LAMA2: variants seen among roughly 807,000 people sequenced by gnomAD.
The protein encoded by LAMA2 is laminin subunit alpha-2.
A neutral mutation model predicts 364.8 loss-of-function variants in LAMA2; 269 were observed. The ratio of observed to expected loss-of-function variants is 0.74; its 90% CI spans 0.67 to 0.82. The LOEUF (loss-of-function observed/expected upper bound fraction) is 0.82, where lower values mean the gene tolerates loss of function less well. Among genes scored for constraint, LAMA2 ranks in the 40% least tolerant of loss-of-function variants. The probability of loss-of-function intolerance (pLI) is 0.00; values close to 1 mark genes in which losing one functional copy is unlikely to be tolerated. For missense variants in LAMA2, 3,807 were observed against 3,873.2 expected (o/e 0.98, Z 0.45); for synonymous variants, 1,379 against 1,370.6 (o/e 1.01, Z -0.14).
chr6:129,368,186 T>G (rs1266369106), intron 33 of LAMA2, among the ~76,000 whole-genome samples: 1 of 152,194 alleles, frequency 6.6e-6, no homozygotes, highest in Non-Finnish European at 1.5e-5. Context: ...AGGCTCCACC[T>G]CCTAATATCA....
At chr6:128,888,444 T>G (rs1296985634) in intron 1 of LAMA2, among the ~76,000 whole-genome samples, 1 of 152,204 alleles carries the variant, frequency 6.6e-6, no homozygotes, top group Non-Finnish European at 1.5e-5. Flanking sequence ...ACACCTATAT[T>G]GTATAAAATG....
At chr6:129,101,336 T>A (rs1225744998) in intron 4 of LAMA2, among the ~76,000 whole-genome samples, 1 of 152,212 alleles carries the variant, frequency 6.6e-6, no homozygotes, top group Non-Finnish European at 1.5e-5. Context: ...ACTCGGTACA[T>A]ACAGAATTTA....
intron 12 of LAMA2, among the ~76,000 whole-genome samples, chr6:129,198,235 T>C (rs994137784): frequency 2.3e-5 from 3 of 131,844 alleles, no homozygotes; most frequent in African/African-American, 6.4e-5. Context: ...AATATTATTA[T>C]TAAATATTAT....
chr6:129,232,386 A>G (rs1283196432), intron 12 of LAMA2, among the ~76,000 whole-genome samples: 1 of 152,086 alleles, frequency 6.6e-6, no homozygotes, highest in Non-Finnish European at 1.5e-5. Flanking sequence ...TCAGAATTTT[A>G]AATGTAAGCC....
At chr6:129,462,650 C>T (rs1180300053) in intron 49 of LAMA2, among the ~76,000 whole-genome samples, 1 of 151,916 alleles carries the variant, frequency 6.6e-6, no homozygotes, top group African/African-American at 2.4e-5. Context: ...TCTCTAATTA[C>T]ACACTTGTGT....
chr6:129,230,504 G>A (rs1190579366), intron 12 of LAMA2, among the ~76,000 whole-genome samples: 1 of 152,108 alleles, frequency 6.6e-6, no homozygotes, highest in Non-Finnish European at 1.5e-5. Flanking sequence ...ACATGTGGAA[G>A]TCTCTTCTAT....
Position 129,016,254 on chromosome 6 carries a change from A to G in LAMA2, c.113-33664A>G, listed in dbSNP as rs77501889. Reference sequence around the variant, plus strand: ...GCTTTAAAAACAAGTATGTGGTAAAAATCACTTTGGAAAACCTTTGGCATT... The same window carrying G: ...GCTTTAAAAACAAGTATGTGGTAAAGATCACTTTGGAAAACCTTTGGCATT... On this transcript the variant is annotated intron_variant, in intron 1 of 64. Coordinates refer to ENST00000421865, the MANE Select transcript of LAMA2 (RefSeq NM_000426.4). Among the ~76,000 whole-genome samples, 1,420 of 152,164 alleles carry G rather than the reference A, an allele frequency of 9.3e-3. 24 individuals carry two copies. The highest frequency in any genetic ancestry group is 0.032 in the African/African-American group (1,348 of 41,548).
intron 12 of LAMA2, among the ~76,000 whole-genome samples, chr6:129,244,518 T>C (rs1258614610): frequency 6.6e-6 from 1 of 152,118 alleles, no homozygotes; most frequent in Non-Finnish European, 1.5e-5. Flanking sequence ...GATTTTTGTG[T>C]ATCCCTCCTG....
chr6:129,047,048 G>C (rs770719220), intron 1 of LAMA2, among the ~76,000 whole-genome samples: 1 of 152,060 alleles, frequency 6.6e-6, no homozygotes, highest in Non-Finnish European at 1.5e-5. Flanking sequence ...TTATTTAATC[G>C]CATATCATTT....
At chr6:129,474,839 A>G (rs560655616) in intron 52 of LAMA2, among the ~76,000 whole-genome samples, 5 of 152,202 alleles carry the variant, frequency 3.3e-5, no homozygotes, top group Admixed American at 3.3e-4. Context: ...ACAGCATTGC[A>G]TAATTACAGT....
At chr6:129,478,862 CT>C in intron 54 of LAMA2, 49 bp downstream of exon 54, 1 of 1,542,952 alleles carries the variant, frequency 6.5e-7, no homozygotes, top group Non-Finnish European at 9.0e-7. Context: ...TCAGATTTCA[CT>C]TACTTAGTGT....
At chr6:129,011,680 T>C (rs1043681308) in intron 1 of LAMA2, among the ~76,000 whole-genome samples, 2 of 152,214 alleles carry the variant, frequency 1.3e-5, no homozygotes, top group Admixed American at 6.5e-5. Context: ...AAATATCCCA[T>C]TCTGAGAGCA....
intron 12 of LAMA2, among the ~76,000 whole-genome samples, chr6:129,207,687 A>T (rs1583252102): frequency 6.7e-6 from 1 of 150,170 alleles, no homozygotes; most frequent in East Asian, 1.9e-4. Context: ...TTTTAGAAGA[A>T]TTAGGAGCAA....
intron 20 of LAMA2, chr6:129,293,040 C>A (rs967918159): frequency 1.2e-5 from 12 of 985,906 alleles, no homozygotes; most frequent in Non-Finnish European, 1.3e-5. Context: ...CGGGTGCCCT[C>A]GGGGAGCCTA....
chr6:129,330,694 A>T (rs1329718843), intron 29 of LAMA2, among the ~76,000 whole-genome samples: 1 of 148,146 alleles, frequency 6.8e-6, no homozygotes, highest in Non-Finnish European at 1.5e-5. Flanking sequence ...ATTGATGCAC[A>T]CACTTTTTTC....
chr6:129,032,083 G>C (rs533961435), intron 1 of LAMA2, among the ~76,000 whole-genome samples: 2 of 152,222 alleles, frequency 1.3e-5, no homozygotes, highest in African/African-American at 2.4e-5. Flanking sequence ...CTCCCAAAGT[G>C]CTGGGATTAC....
intron 1 of LAMA2, among the ~76,000 whole-genome samples, chr6:129,008,725 T>G (rs1240003175): frequency 1.3e-5 from 2 of 152,228 alleles, no homozygotes; most frequent in East Asian, 3.8e-4. Context: ...TCTCTACCTC[T>G]TTAAATATTC....
At chr6:129,440,388 G>C (rs58375148) in intron 42 of LAMA2, among the ~76,000 whole-genome samples, 1 of 151,774 alleles carries the variant, frequency 6.6e-6, no homozygotes, top group African/African-American at 2.4e-5. Context: ...TAACATACCT[G>C]AAAATGTTTC....
chr6:129,401,236 G>A lies in LAMA2; in HGVS notation c.5458G>A (p.Ala1820Thr), dbSNP rs767454788. 2 of 1,593,972 alleles carry A rather than the reference G, an allele frequency of 1.3e-6. No homozygotes were observed. The highest frequency in any genetic ancestry group is 2.2e-5 in the South Asian group (2 of 90,520). Residue 1820 changes from alanine to threonine, a missense_variant, in exon 38 of 65, where the codon GCT (alanine) becomes ACT (threonine). Around this residue, in one of 3 missense-constraint regions of LAMA2, gnomAD observed 3,333 missense variants for 3,345.7 expected, o/e 1.00. Coordinates refer to ENST00000421865, the MANE Select transcript of LAMA2 (RefSeq NM_000426.4). The part of the protein sequence containing the change: ...NMTALEKKKE[A>T]VESGKRQIEN... ...TAATGGTCTACAGAAAAAGAAGGAG[G>A]CTGTTGAAAGCGGCAAACGACAAAT...
Sources: allele counts gnomAD v4.1 joint callset (sites outside exome capture counted in the v4.1 genomes callset), GRCh38; gene constraint gnomAD v4.1.1; regional missense constraint gnomAD v4.1.1; transcripts MANE v1.5; gene names NCBI Gene and HGNC (gene_info 2026-07-23, HGNC 2026-07-21).